The following NUP188 variants were observed in gnomAD, a reference collection of about 807,000 sequenced individuals.
NUP188 encodes the protein nucleoporin NUP188.
In NUP188, 97 loss-of-function variants were observed where a neutral mutation model predicts 223.0. The ratio of observed to expected loss-of-function variants is 0.43; its 90% CI spans 0.37 to 0.51. NUP188 has a LOEUF of 0.51. Ranked by LOEUF, NUP188 falls within the 20% of genes least tolerant of loss-of-function variation. The pLI, the probability that NUP188 is intolerant of heterozygous loss-of-function variation, is 0.00. For missense variants in NUP188, 1,947 were observed against 2,175.6 expected, an observed-to-expected ratio of 0.89 and a Z score of 2.09; for synonymous variants, 869 against 828.0, an observed-to-expected ratio of 1.05 and a Z score of -0.85.
At chr9:128,949,075 G>C (rs938024948) in intron 1 of NUP188, 114 bp from the exon 2 acceptor site, 19 of 692,312 alleles carry the variant, frequency 2.7e-5, no homozygotes, top group Middle Eastern at 2.4e-4. Flanking sequence ...TTAACAAATC[G>C]TTTTGTATAT....
At chr9:128,954,765 T>G (rs1054097128) in intron 3 of NUP188, among the ~76,000 whole-genome samples, 1 of 152,096 alleles carries the variant, frequency 6.6e-6, no homozygotes, top group Non-Finnish European at 1.5e-5. Flanking sequence ...TTTTGTAGTA[T>G]GCCCCCAATT....
chr9:128,981,456 A>G, intron 15 of NUP188, 66 bp downstream of exon 15: 1 of 1,501,966 alleles, frequency 6.7e-7, no homozygotes, highest in South Asian at 1.2e-5. Context: ...TCTGTCACCC[A>G]AGCTGGAGTG....
In NUP188 at chr9:128,999,814, G is replaced by A. The variant is rs1392788886; in HGVS notation, c.3843+9G>A. ...GGGACCAGCGTGATGGGGTGAGACAGTGCCCTAGAAGGCCATCCGTCCTTT... is the reference window on the plus strand; with the variant it reads ...GGGACCAGCGTGATGGGGTGAGACAATGCCCTAGAAGGCCATCCGTCCTTT... On this transcript the variant is annotated intron_variant, in intron 34 of 43. Coordinates refer to ENST00000372577, the MANE Select transcript of NUP188 (RefSeq NM_015354.3). 6.2e-7 allele frequency: 1 copy of A among 1,613,748 alleles called. No individual in the cohort carries two copies. The highest frequency in any genetic ancestry group is 8.5e-7 in the Non-Finnish European group (1 of 1,179,726).
chr9:128,961,623 T>TA (rs61115252), intron 8 of NUP188, among the ~76,000 whole-genome samples: 1 of 45,434 alleles, frequency 2.2e-5, no homozygotes, highest in Admixed American at 2.5e-4. Flanking sequence ...GATAGATAGA[T>TA]TTTTTTTTTT....
intron 1 of NUP188, chr9:128,948,463 C>G (rs948693416): frequency 2.0e-4 from 30 of 152,142 alleles, no homozygotes; most frequent in Admixed American, 1.7e-3. Context: ...TTATCTCATT[C>G]AATTCTCGCA....
intron 30 of NUP188, 105 bp downstream of exon 30, chr9:128,995,619 T>A: frequency 5.1e-6 from 5 of 987,492 alleles, no homozygotes; most frequent in Middle Eastern, 3.3e-4. Flanking sequence ...AATCAGGGTT[T>A]ATCCCTGAGA....
chr9:128,986,437 G>T, intron 20 of NUP188, 121 bp from the exon 21 acceptor site: 3 of 1,019,580 alleles, frequency 2.9e-6, no homozygotes, highest in Non-Finnish European at 4.2e-6. Context: ...TTTTTTCATT[G>T]ATGACCAAGG....
intron 19 of NUP188, among the ~76,000 whole-genome samples, chr9:128,984,314 TA>T (rs1842301100): frequency 6.6e-6 from 1 of 151,718 alleles, no homozygotes; most frequent in Non-Finnish European, 1.5e-5. Flanking sequence ...TTGGTAGAGA[TA>T]GTGTTTCACC....
At chr9:128,992,855 A>G (rs1842455893) in intron 25 of NUP188, among the ~76,000 whole-genome samples, 1 of 152,226 alleles carries the variant, frequency 6.6e-6, no homozygotes, top group Non-Finnish European at 1.5e-5. Flanking sequence ...ACATTGTAAC[A>G]GTTTATACTT....
At position 128,958,002 on chromosome 9, in the gene NUP188, C is replaced by T; in HGVS notation, c.328-8C>T. 1 of 1,608,168 alleles carries T rather than the reference C, an allele frequency of 6.2e-7. No homozygotes were observed. The highest frequency in any genetic ancestry group is 8.5e-7 in the Non-Finnish European group (1 of 1,177,140). On this transcript the variant is annotated splice_polypyrimidine_tract_variant and splice_region_variant and intron_variant, in intron 5 of 43. Coordinates refer to ENST00000372577, the MANE Select transcript of NUP188 (RefSeq NM_015354.3). ...ATGGCCTCTTAACTGCTCTGTTTTTCTTTTCAGACAGTACTGCAAGATGAG... is the reference window on the plus strand; with the variant it reads ...ATGGCCTCTTAACTGCTCTGTTTTTTTTTTCAGACAGTACTGCAAGATGAG...
chr9:128,984,880 C>A lies in NUP188; in HGVS notation c.1962-20C>A. On this transcript the variant is annotated intron_variant, in intron 19 of 43. Transcript: ENST00000372577. Reference sequence around the variant, plus strand: ...TTGAAATTTCCCTATCATTTTTTTTCCCTCTACTTCTTTTTCCAGTGCGGA... The same window carrying A: ...TTGAAATTTCCCTATCATTTTTTTTACCTCTACTTCTTTTTCCAGTGCGGA... 6.6e-7 allele frequency: 1 copy of A among 1,513,556 alleles called. No homozygotes were observed. The highest frequency in any genetic ancestry group is 9.0e-7 in the Non-Finnish European group (1 of 1,107,276). The allele number at this position is 1,513,556 out of a possible 1,614,324, so 93.8% of individuals were successfully genotyped here.
At chr9:128,954,178 G>A (rs961360967) in intron 3 of NUP188, among the ~76,000 whole-genome samples, 1 of 151,630 alleles carries the variant, frequency 6.6e-6, no homozygotes, top group East Asian at 1.9e-4. Flanking sequence ...CAACCTAGTT[G>A]TCAAGTGCCT....
chr9:128,982,386 C>T (rs1258601052), intron 15 of NUP188, among the ~76,000 whole-genome samples, 163 bp from the exon 16 acceptor site: 5 of 151,570 alleles, frequency 3.3e-5, no homozygotes, highest in South Asian at 2.1e-4. Context: ...GCCGAGATCG[C>T]GCCACTGCAC....
chr9:129,002,981 G>GGGCT lies in NUP188; in HGVS notation c.4296+8_4296+11dup. 6.2e-7 allele frequency: 1 copy of GGGCT among 1,613,672 alleles called. No individual in the cohort carries two copies. ...ACCAGGAGCGGACCTTACAGGTGAG[G>GGGCT]GGCTGCCTGCATTGCAGGGGTGGGA... On this transcript the variant is annotated splice_region_variant and intron_variant, in intron 37 of 43. Coordinates refer to ENST00000372577, the MANE Select transcript of NUP188 (RefSeq NM_015354.3).
chr9:128,966,128 CGTGTGTGTGTGTGTGTGT>C (rs34851120), intron 8 of NUP188, among the ~76,000 whole-genome samples: 7 of 136,752 alleles, frequency 5.1e-5, no homozygotes, highest in African/African-American at 1.4e-4. Flanking sequence ...TTTCTGCCTC[CGTGTGTGTGTGTGTGTGT>C]GTGTGTGTGT....
intron 29 of NUP188, 63 bp downstream of exon 29, chr9:128,994,986 C>T (rs959370637): frequency 1.6e-6 from 2 of 1,231,782 alleles, no homozygotes; most frequent in African/African-American, 3.0e-5. Flanking sequence ...TGGTGGCCTA[C>T]CACTGGGTGC....
chr9:128,961,376 G>A (rs1020712155), intron 8 of NUP188, among the ~76,000 whole-genome samples: 5 of 151,326 alleles, frequency 3.3e-5, no homozygotes, highest in East Asian at 3.9e-4. Context: ...GCTGAGCGTG[G>A]TGGCACGTGC....
At chr9:128,973,283 T>C in intron 12 of NUP188, 34 bp downstream of exon 12, 1 of 1,461,496 alleles carries the variant, frequency 6.8e-7, no homozygotes, top group South Asian at 1.1e-5. Context: ...CTGTCTCTAC[T>C]GCCCAGCTTT....
rs746373897 is a variant in NUP188, at chr9:129,006,281, C to T, written c.4986C>T (p.Leu1662=). The T allele has an allele frequency of 6.8e-6, 11 of 1,614,034 alleles. No individual in the cohort carries two copies. The highest frequency in any genetic ancestry group is 1.1e-5 in the South Asian group (1 of 91,064). The change falls in exon 43 of 44, where the codon CTC becomes CTT. Residue 1662 remains leucine (L), a synonymous_variant. Transcript: ENST00000372577. ...CCATGGAAAACTGCTTCTACCTGCT[C>T]ATCTCTCAGGCGATGCGGTACCTTA... ...MFTMENCFYL[L]ISQAMRYLRD...
Sources: allele counts gnomAD v4.1 joint callset (sites outside exome capture counted in the v4.1 genomes callset), GRCh38; gene constraint gnomAD v4.1.1; transcripts MANE v1.5; gene names NCBI Gene and HGNC (gene_info 2026-07-23, HGNC 2026-07-21).